The following STK10 variants were observed in gnomAD, a reference collection of about 807,000 sequenced individuals.
STK10 encodes serine/threonine-protein kinase 10.
STK10 carries 78 observed loss-of-function variants against 113.8 expected under a neutral mutation model. The ratio of observed to expected loss-of-function variants is 0.69; its 90% CI spans 0.57 to 0.83. The LOEUF is 0.83. STK10 is among the 40% of genes least tolerant of loss of function. STK10 has a pLI of 0.00. For synonymous variants in STK10, 465 were observed against 494.7 expected (o/e 0.94, Z 0.80); for missense variants, 1,109 against 1,280.1 (o/e 0.87, Z 2.04).
intron 4 of STK10, chr5:172,114,530 T>G (rs1456079686): frequency 1.3e-4 from 16 of 122,198 alleles, no homozygotes; most frequent in African/African-American, 4.8e-4. Flanking sequence ...TCGCCCAGGC[T>G]GGAGTGCAGT....
intron 18 of STK10, among the ~76,000 whole-genome samples, chr5:172,052,447 C>G (rs764569729): frequency 2.8e-4 from 43 of 152,162 alleles, no homozygotes; most frequent in Non-Finnish European, 5.9e-4. Context: ...CCCAGAGAGC[C>G]CACCCAGACT....
intron 1 of STK10, among the ~76,000 whole-genome samples, chr5:172,157,067 C>T (rs190074032): frequency 8.9e-4 from 136 of 152,064 alleles, no homozygotes; most frequent in Non-Finnish European, 1.8e-3. Context: ...CAGTAAAAAA[C>T]GAAGAAAAAA....
intron 3 of STK10, among the ~76,000 whole-genome samples, chr5:172,118,891 A>T (rs1417730471): frequency 6.6e-6 from 1 of 151,410 alleles, no homozygotes; most frequent in Non-Finnish European, 1.5e-5. Flanking sequence ...AAAAAAAAAA[A>T]AAAAAAGTGT....
In STK10 at chr5:172,057,447, C is replaced by T; in HGVS notation, c.2239G>A (p.Glu747Lys). ...RDREAALWEM[E>K]EHQLQERHQL... ...TGCCTCTCCTGCAGCTGGTGCTCTT[C>T]CATCTCCCACAGGGCTGCTTCCCGG... Residue 747 changes from glutamate to lysine, a missense_variant, in exon 15 of 19, where the codon GAA becomes AAA. Around this residue, in one of 5 missense-constraint regions of STK10, gnomAD observed 885 missense variants for 991.1 expected, o/e 0.89. Transcript: ENST00000176763. 1.3e-6 allele frequency: 2 copies of T among 1,550,630 alleles called. No individual in the cohort carries two copies. Among genetic ancestry groups the T allele is most frequent in the South Asian group, 2.4e-5 (2 of 84,054 alleles).
At chr5:172,056,891 AAGAAAGAAG>A (rs1767787723) in intron 15 of STK10, 1 of 153,602 alleles carries the variant, frequency 6.5e-6, no homozygotes, top group African/African-American at 2.5e-5. Context: ...AAAGAAAGAA[AAGAAAGAAG>A]AGAAAGAAAG....
intron 12 of STK10, 77 bp from the exon 13 acceptor site, chr5:172,064,889 C>A: frequency 2.0e-6 from 3 of 1,510,466 alleles, no homozygotes; most frequent in Non-Finnish European, 2.7e-6. Flanking sequence ...CAACGCAGAA[C>A]CCCCGGGCCA....
At chr5:172,076,015 T>C (rs1247545368) in intron 12 of STK10, among the ~76,000 whole-genome samples, 3 of 152,216 alleles carry the variant, frequency 2.0e-5, no homozygotes, top group Admixed American at 1.3e-4. Flanking sequence ...TTGGATTTAT[T>C]TTTTTCATGG....
At position 172,120,684 on chromosome 5, in the gene STK10, T is replaced by C. The variant is rs1769493094; in HGVS notation, c.371-3054A>G. ...TAGGCAGGGCTCCAGCCATCAGCCATGTTCAGTTCTCAGTGTGGAAAATAG... is the reference window on the plus strand; with the variant it reads ...TAGGCAGGGCTCCAGCCATCAGCCACGTTCAGTTCTCAGTGTGGAAAATAG... On this transcript the variant is annotated intron_variant, in intron 3 of 18. Transcript: ENST00000176763. This position sits in a 1 kb window ranked among gnomAD's most constrained non-coding sequence, Gnocchi z 4.0. Among the ~76,000 whole-genome samples, 1 of 152,170 alleles carries C rather than the reference T, an allele frequency of 6.6e-6. No homozygotes were observed. The highest frequency in any genetic ancestry group is 6.5e-5 in the Admixed American group (1 of 15,278).
chr5:172,123,428 C>G (rs1769557130), intron 3 of STK10, among the ~76,000 whole-genome samples: 1 of 152,200 alleles, frequency 6.6e-6, no homozygotes, highest in South Asian at 2.1e-4. Context: ...TGTCTGCTGG[C>G]TGAGCTGTAG....
intron 4 of STK10, among the ~76,000 whole-genome samples, chr5:172,111,749 C>A (rs1274781295): frequency 6.6e-6 from 1 of 152,236 alleles, no homozygotes; most frequent in Non-Finnish European, 1.5e-5. Flanking sequence ...AGAAAGAGAT[C>A]ATTTCTGCTG....
Position 172,102,500 on chromosome 5 carries a change from G to A in STK10, c.870+3156C>T, listed in dbSNP as rs952932424. On this transcript the variant is annotated intron_variant, in intron 7 of 18. Coordinates refer to ENST00000176763, the MANE Select transcript of STK10 (RefSeq NM_005990.4). Reference sequence around the variant, plus strand: ...GCTGGGAGTGCTGCACGCTGGGTGCGTGGAGATGGAGGGAGGGCCCTGTGC... The same window carrying A: ...GCTGGGAGTGCTGCACGCTGGGTGCATGGAGATGGAGGGAGGGCCCTGTGC... Among the ~76,000 whole-genome samples the A allele has an allele frequency of 1.6e-4, 24 of 152,310 alleles. 1 individual carries two copies. The highest frequency in any genetic ancestry group is 2.1e-4 in the South Asian group (1 of 4,824).
intron 12 of STK10, among the ~76,000 whole-genome samples, chr5:172,075,646 C>T (rs575100818): frequency 6.6e-6 from 1 of 152,304 alleles, no homozygotes; most frequent in African/African-American, 2.4e-5. Context: ...TGCCATTGCA[C>T]TCCAGCCTGG....
intron 2 of STK10, among the ~76,000 whole-genome samples, chr5:172,149,318 C>T (rs375014847): frequency 3.9e-5 from 6 of 152,220 alleles, no homozygotes; most frequent in African/African-American, 1.4e-4. Flanking sequence ...GTTACCACCC[C>T]CTGCCTCCTG....
At position 172,044,613 on chromosome 5, in the gene STK10, C is replaced by T. The variant is rs1767457606; in HGVS notation, c.*269G>A. On this transcript the variant is annotated 3_prime_UTR_variant, in exon 19 of 19. Transcript: ENST00000176763. The surrounding 1 kb of genome is among the most constrained non-coding windows in gnomAD (Gnocchi z 4.5). ...CCTGACCCCACCAACAGCCCCATCC[C>T]TTCCAGCTTGAAGGGATCTGGGGCT... The T allele has an allele frequency of 1.9e-6, 1 of 535,306 alleles. No individual in the cohort carries two copies. The highest frequency in any genetic ancestry group is 3.3e-6 in the Non-Finnish European group (1 of 299,254). The allele number at this position is 535,306 out of a possible 1,614,324, so 33.2% of individuals were successfully genotyped here. A position where few individuals can be genotyped will look rare whatever the true frequency, so the allele number is the denominator to read the frequency against.
At chr5:172,161,394 A>G (rs1770468614) in intron 1 of STK10, among the ~76,000 whole-genome samples, 2 of 151,494 alleles carry the variant, frequency 1.3e-5, no homozygotes, top group Non-Finnish European at 2.9e-5. Context: ...TGGAGATTGC[A>G]GTGAGCCGAG....
In STK10 at chr5:172,053,156, C is replaced by T. The variant is rs111265173; in HGVS notation, c.2653-114G>A. ...CACCAGCATCGTTCATTTATTATTTCTTCTTGACTATAAATCCCATTTATT... is the reference window on the plus strand; with the variant it reads ...CACCAGCATCGTTCATTTATTATTTTTTCTTGACTATAAATCCCATTTATT... On this transcript the variant is annotated intron_variant, in intron 17 of 18. Transcript: ENST00000176763. 7.1e-3 allele frequency: 5,411 copies of T among 761,440 alleles called. 196 individuals are homozygous for T. The African/African-American group carries it at 0.078, about 11-fold the overall frequency. 47.2% of individuals were successfully genotyped at this position (761,440 alleles called of 1,614,324 possible).
intron 1 of STK10, among the ~76,000 whole-genome samples, chr5:172,166,219 C>T (rs2339363): frequency 0.47 from 71,117 of 152,000 alleles, 17,147 homozygotes; most frequent in East Asian, 0.6. Flanking sequence ...GAGTGGCTGC[C>T]GGAGGGTGAG....
chr5:172,179,716 A>G (rs1770817656), intron 1 of STK10, among the ~76,000 whole-genome samples: 1 of 152,228 alleles, frequency 6.6e-6, no homozygotes, highest in African/African-American at 2.4e-5. Context: ...TTGGGTTTAA[A>G]AATACTTGGC....
intron 1 of STK10, among the ~76,000 whole-genome samples, chr5:172,184,477 G>A (rs1470335237): frequency 6.6e-6 from 1 of 152,126 alleles, no homozygotes; most frequent in Non-Finnish European, 1.5e-5. Flanking sequence ...GCTTAGGTCA[G>A]AGGGGTACAT....
Sources: allele counts gnomAD v4.1 joint callset (sites outside exome capture counted in the v4.1 genomes callset), GRCh38; gene constraint gnomAD v4.1.1; regional missense constraint gnomAD v4.1.1; non-coding constraint Gnocchi (gnomAD v3.1); transcripts MANE v1.5; gene names NCBI Gene and HGNC (gene_info 2026-07-23, HGNC 2026-07-21).